Variants in ATP2B2 observed in about 807,000 individuals in gnomAD.
ATP2B2 encodes the protein ATPase plasma membrane Ca2+ transporting 2.
ATP2B2 carries 15 observed loss-of-function variants against 120.0 expected under a neutral mutation model. The observed-to-expected ratio is 0.12, with a 90% CI of 0.08 to 0.19. The LOEUF is 0.19. ATP2B2 is among the 10% of genes least tolerant of loss of function. The pLI is 1.00. For synonymous variants in ATP2B2, 694 were observed against 700.3 expected (o/e 0.99, Z 0.14); for missense variants, 1,045 against 1,719.8 (o/e 0.61, Z 6.94).
chr3:10,606,912 C>CACACACAGAG lies in ATP2B2; in HGVS notation c.-415+13004_-415+13005insCTCTGTGTGT, dbSNP rs1405755716. Among the ~76,000 whole-genome samples the CACACACAGAG allele has an allele frequency of 2.9e-4, 18 of 62,586 alleles. No individual in the cohort carries two copies. The East Asian group carries it at 5.2e-3, about 18-fold the overall frequency. 41.1% of individuals were successfully genotyped at this position (62,586 alleles called of 152,430 possible). A position where few individuals can be genotyped will look rare whatever the true frequency, so the allele number is the denominator to read the frequency against. On this transcript the variant is annotated intron_variant, in intron 2 of 21. Transcript: ENST00000646379. ...ACACACACACACACACACACACACACAGAGAGAGAGAGAGAGAGAGAGAGA... is the reference window on the plus strand; with the variant it reads ...ACACACACACACACACACACACACACACACACAGAGAGAGAGAGAGAGAGAGAGAGAGAGA...
At chr3:10,332,002 T>A in intron 22 of ATP2B2, 3 of 1,550,482 alleles carry the variant, frequency 1.9e-6, no homozygotes, top group Non-Finnish European at 2.6e-6. Context: ...TTTCACTCTC[T>A]CTTGCTGAAC....
chr3:10,344,336 G>A (rs963256147), intron 18 of ATP2B2, among the ~76,000 whole-genome samples: 3 of 152,240 alleles, frequency 2.0e-5, no homozygotes, highest in East Asian at 3.9e-4. Flanking sequence ...TAGAGGGAGT[G>A]TCTCATCCAC....
chr3:10,464,935 T>C (rs1399886129), intron 1 of ATP2B2, among the ~76,000 whole-genome samples: 1 of 152,202 alleles, frequency 6.6e-6, no homozygotes, highest in Non-Finnish European at 1.5e-5. Context: ...GGACTCACCT[T>C]CCTAAGCCTG....
chr3:10,534,859 T>C (rs2125482219), intron 2 of ATP2B2, among the ~76,000 whole-genome samples: 1 of 150,104 alleles, frequency 6.7e-6, no homozygotes, highest in South Asian at 2.1e-4. Flanking sequence ...ATCAGCTTCC[T>C]TCTCTCTCTC....
chr3:10,375,876 T>C lies in ATP2B2; in HGVS notation c.1202-232A>G, dbSNP rs955962098. 2.2e-4 allele frequency among the ~76,000 whole-genome samples: 34 copies of C among 152,188 alleles called. No homozygotes were observed. Among genetic ancestry groups the C allele is most frequent in the Admixed American group, 5.9e-4 (9 of 15,282 alleles). ...TGCATACTTCCTCCCCAAGATTTTG[T>C]AAGGCTCAAATGTGGTAATAACGCA... is the stretch of plus-strand genomic sequence containing the variant. On this transcript the variant is annotated intron_variant, in intron 10 of 22. Coordinates refer to ENST00000360273, the MANE Select transcript of ATP2B2 (RefSeq NM_001001331.4). This position sits in a 1 kb window ranked among gnomAD's most constrained non-coding sequence, Gnocchi z 4.2.
At chr3:10,576,587 C>A (rs2068253157) in intron 2 of ATP2B2, among the ~76,000 whole-genome samples, 1 of 151,982 alleles carries the variant, frequency 6.6e-6, no homozygotes, top group African/African-American at 2.4e-5. Flanking sequence ...ACTATATTCC[C>A]CAGGCTGGTC....
intron 7 of ATP2B2, 66 bp from the exon 8 acceptor site, chr3:10,385,393 C>T: frequency 1.4e-6 from 2 of 1,396,118 alleles, no homozygotes. Flanking sequence ...ACGACAAAGA[C>T]ATGAACCAAC....
rs1325737857 is a variant in ATP2B2 at position 10,324,371 on chromosome 3, A to G, written c.*4443T>C. 6.6e-6 allele frequency: 1 copy of G among 152,090 alleles called. No individual in the cohort carries two copies. Among genetic ancestry groups the G allele is most frequent in the Non-Finnish European group, 1.5e-5 (1 of 68,058 alleles). The allele number at this position is 152,090 out of a possible 1,614,324, so 9.4% of individuals were successfully genotyped here. A position where few individuals can be genotyped will look rare whatever the true frequency, so the allele number is the denominator to read the frequency against. ...AAGGGCAGTCCCAAAGCAGCCTCCAATATTGTTTTCAGTGGAGGGGGTGAT... is the reference window on the plus strand; with the variant it reads ...AAGGGCAGTCCCAAAGCAGCCTCCAGTATTGTTTTCAGTGGAGGGGGTGAT... On this transcript the variant is annotated 3_prime_UTR_variant, in exon 23 of 23. Transcript: ENST00000360273.
chr3:10,568,973 G>A (rs145163321), intron 2 of ATP2B2, among the ~76,000 whole-genome samples: 73 of 152,256 alleles, frequency 4.8e-4, no homozygotes, highest in African/African-American at 1.6e-3. Context: ...ACAACTTGCC[G>A]AATATAACTT....
rs369537794 is a variant in ATP2B2 at position 10,655,367 on chromosome 3, A to G, written c.-459-35406T>C. Among the ~76,000 whole-genome samples, 203 of 152,324 alleles carry G rather than the reference A, an allele frequency of 1.3e-3. 2 individuals carry two copies. The highest frequency in any genetic ancestry group is 4.4e-3 in the African/African-American group (184 of 41,588). ...GCTTGGAAGCTTGTTAGAAATGCAA[A>G]TTCTTGGGCCTCCCTCCAGACCTGC... On this transcript the variant is annotated intron_variant, in intron 1 of 21. Transcript: ENST00000646379.
intron 1 of ATP2B2, among the ~76,000 whole-genome samples, chr3:10,658,241 C>G (rs550545769): frequency 2.0e-5 from 3 of 152,202 alleles, no homozygotes; most frequent in Non-Finnish European, 4.4e-5. Flanking sequence ...CATAGCTGGA[C>G]GGAGAATGAC....
At chr3:10,467,825 A>C (rs2064813601) in intron 1 of ATP2B2, among the ~76,000 whole-genome samples, 2 of 151,894 alleles carry the variant, frequency 1.3e-5, no homozygotes, top group Non-Finnish European at 2.9e-5. Flanking sequence ...AGAGCAGCAA[A>C]GTTTTATAAC....
In ATP2B2 at chr3:10,635,766, C is replaced by A. The variant is rs940903231; in HGVS notation, c.-459-15805G>T. 6.6e-6 allele frequency among the ~76,000 whole-genome samples: 1 copy of A among 152,244 alleles called. No individual in the cohort carries two copies. Among genetic ancestry groups the A allele is most frequent in the Non-Finnish European group, 1.5e-5 (1 of 68,038 alleles). The stretch of plus-strand genomic sequence containing the variant: ...CTCATCAATCCCTGCCAGCTTTGCA[C>A]TGACCAGGCTGGGCTGGAGTCAGCA... On this transcript the variant is annotated intron_variant, in intron 1 of 21. Coordinates refer to the ATP2B2 transcript ENST00000646379. The surrounding 1 kb of genome is among the most constrained non-coding windows in gnomAD (Gnocchi z 4.3).
intron 1 of ATP2B2, among the ~76,000 whole-genome samples, chr3:10,636,717 G>A (rs538151502): frequency 6.6e-6 from 1 of 152,336 alleles, no homozygotes; most frequent in South Asian, 2.1e-4. Context: ...ACACTGCCTT[G>A]AGAGGGTTTC....
At chr3:10,434,153 C>A (rs1484100839) in intron 2 of ATP2B2, among the ~76,000 whole-genome samples, 4 of 152,254 alleles carry the variant, frequency 2.6e-5, no homozygotes, top group African/African-American at 7.2e-5. Context: ...AGAAGCAGAA[C>A]ATCTATACTC....
intron 2 of ATP2B2, among the ~76,000 whole-genome samples, chr3:10,603,595 T>A (rs1042769783): frequency 2.0e-5 from 3 of 152,106 alleles, no homozygotes; most frequent in African/African-American, 7.2e-5. Context: ...ATAACAGAGT[T>A]CAGACTTAGC....
chr3:10,329,191 A>C lies in ATP2B2; in HGVS notation c.3421-66T>G. On this transcript the variant is annotated intron_variant, in intron 22 of 22. Transcript: ENST00000360273. The surrounding 1 kb of genome is among the most constrained non-coding windows in gnomAD (Gnocchi z 5.9). ...CCACAGCCAGGCTCGGGGGGCTCAC[A>C]GGAGGGGCGGGTGGGAGAAGGGTTA... The C allele has an allele frequency of 3.4e-4, 243 of 708,782 alleles. No individual in the cohort carries two copies. Among genetic ancestry groups the C allele is most frequent in the Non-Finnish European group, 5.3e-4 (230 of 432,358 alleles). The allele number at this position is 708,782 out of a possible 1,614,324, so 43.9% of individuals were successfully genotyped here.
chr3:10,391,891 T>C (rs55675087), intron 5 of ATP2B2, among the ~76,000 whole-genome samples: 8,359 of 152,304 alleles, frequency 0.055, 278 homozygotes, highest in South Asian at 0.082. Flanking sequence ...TCGTGGCCTC[T>C]GCCTTTGGAG....
chr3:10,694,914 A>G (rs62238460), intron 1 of ATP2B2, among the ~76,000 whole-genome samples: 80 of 151,944 alleles, frequency 5.3e-4, no homozygotes, highest in Admixed American at 1.0e-3. Context: ...GAAGGTCTCT[A>G]TGGCCCTAAT....
Sources: allele counts gnomAD v4.1 joint callset (sites outside exome capture counted in the v4.1 genomes callset), GRCh38; gene constraint gnomAD v4.1.1; non-coding constraint Gnocchi (gnomAD v3.1); transcripts MANE v1.5; gene names NCBI Gene and HGNC (gene_info 2026-07-23, HGNC 2026-07-21).